THSD4: variants seen among roughly 807,000 people sequenced by gnomAD.
The protein encoded by THSD4 is thrombospondin type-1 domain-containing protein 4.
A neutral mutation model predicts 119.0 loss-of-function variants in THSD4; 69 were observed. That is an observed-to-expected ratio of 0.58 (90% CI 0.48 to 0.71). The LOEUF is 0.71. Among genes scored for constraint, THSD4 ranks in the 30% least tolerant of loss-of-function variants. The pLI, the probability that THSD4 is intolerant of heterozygous loss-of-function variation, is 0.00. For synonymous variants in THSD4, 524 were observed against 540.4 expected (o/e 0.97, Z 0.42); for missense variants, 1,393 against 1,391.1 (o/e 1.00, Z -0.02).
intron 11 of THSD4, among the ~76,000 whole-genome samples, chr15:71,741,750 G>A (rs1451060422): frequency 6.6e-6 from 1 of 151,480 alleles, no homozygotes; most frequent in Non-Finnish European, 1.5e-5. Context: ...CACTCAGAAT[G>A]TCTGAGGCGA....
intron 6 of THSD4, among the ~76,000 whole-genome samples, chr15:71,290,441 CTGTT>C (rs2044774489): frequency 1.3e-5 from 2 of 151,872 alleles, no homozygotes; most frequent in Non-Finnish European, 2.9e-5. Context: ...TTTTTCCCCT[CTGTT>C]TGTCCTGTTA....
rs138006536 is a variant in THSD4, at chr15:71,182,951, G to T, written c.99+28019G>T. 5.7e-3 allele frequency among the ~76,000 whole-genome samples: 861 copies of T among 151,826 alleles called. 33 individuals are homozygous for T. Among genetic ancestry groups the T allele is most frequent in the Admixed American group, 0.046 (696 of 15,266 alleles). On this transcript the variant is annotated intron_variant, in intron 3 of 17. Coordinates refer to ENST00000261862, the MANE Select transcript of THSD4 (RefSeq NM_024817.3). Reference sequence around the variant, plus strand: ...CATTTGATGCATGCTTTTGCTTATAGCCATGTCCATTTATTTTTCCCCATT... The same window carrying T: ...CATTTGATGCATGCTTTTGCTTATATCCATGTCCATTTATTTTTCCCCATT...
intron 7 of THSD4, among the ~76,000 whole-genome samples, chr15:71,539,701 G>A (rs75519326): frequency 1.0e-3 from 155 of 152,192 alleles, no homozygotes; most frequent in Non-Finnish European, 1.3e-3. Context: ...TCTCCTCTGC[G>A]TTTTCTGTTT....
chr15:71,243,308 A>G (rs530398947), intron 5 of THSD4, among the ~76,000 whole-genome samples: 1 of 151,196 alleles, frequency 6.6e-6, no homozygotes, highest in East Asian at 1.9e-4. Flanking sequence ...TAACTTATAC[A>G]TTGCTTCTTG....
chr15:71,220,426 A>G (rs570494632), intron 4 of THSD4, among the ~76,000 whole-genome samples: 2 of 152,222 alleles, frequency 1.3e-5, no homozygotes, highest in African/African-American at 4.8e-5. Flanking sequence ...TCTTCATTGG[A>G]GCTCTCCCAA....
intron 7 of THSD4, among the ~76,000 whole-genome samples, chr15:71,625,447 TA>T (rs1371084180): frequency 1.1e-4 from 16 of 152,148 alleles, no homozygotes; most frequent in Non-Finnish European, 1.6e-4. Flanking sequence ...GAGTACCATG[TA>T]GAAATGAGAA....
rs569351813 is a variant in THSD4 at position 71,428,216 on chromosome 15, C to T, written c.1152+16393C>T. ...GTTATGGTATATATACAGAGCTATG[C>T]AATACTCATTGTATGCAAAGTCACT... is the stretch of plus-strand genomic sequence containing the variant. On this transcript the variant is annotated intron_variant, in intron 7 of 17. Transcript: ENST00000261862. Among the ~76,000 whole-genome samples the T allele has an allele frequency of 3.3e-5, 5 of 152,286 alleles. No homozygotes were observed. In the East Asian group the frequency reaches 7.7e-4, roughly 24 times the overall value.
intron 3 of THSD4, among the ~76,000 whole-genome samples, chr15:71,210,474 G>A (rs964807580): frequency 4.6e-5 from 7 of 152,162 alleles, no homozygotes; most frequent in Admixed American, 2.0e-4. Context: ...TTGGTGAGGG[G>A]TGGGTGATGA....
chr15:71,359,738 A>T (rs1462579604), intron 6 of THSD4, among the ~76,000 whole-genome samples: 1 of 152,204 alleles, frequency 6.6e-6, no homozygotes, highest in Non-Finnish European at 1.5e-5. Context: ...TGGGCCTGGG[A>T]GGGAGAGGTT....
At chr15:71,519,324 G>A (rs779894933) in intron 7 of THSD4, among the ~76,000 whole-genome samples, 5 of 152,116 alleles carry the variant, frequency 3.3e-5, no homozygotes, top group African/African-American at 7.2e-5. Flanking sequence ...ACACCACAGG[G>A]TTCTAAGCAG....
chr15:71,259,140 GAA>G (rs990920172), intron 6 of THSD4, among the ~76,000 whole-genome samples: 6 of 151,674 alleles, frequency 4.0e-5, no homozygotes, highest in Non-Finnish European at 8.8e-5. Context: ...CAAAAAAAAA[GAA>G]GAGGAGAAAG....
Position 71,411,768 on chromosome 15 carries a change from A to G in THSD4, c.1097A>G (p.Asp366Gly), listed in dbSNP as rs1264743651. ...FYVRQAEKVI[D>G]GTPCDQNGTA... is the part of the protein sequence containing the mutation. ...GTACGGCAAGCTGAGAAAGTCATCG[A>G]TGGCACCCCCTGTGACCAGAACGGC... is the stretch of plus-strand genomic sequence containing the variant. The change falls in exon 7 of 18, where the codon GAT becomes GGT. Residue 366 changes from aspartate to glycine, a missense_variant. By Grantham distance (94) the Asp-to-Gly change is moderately conservative. Transcript: ENST00000261862. 2 of 1,614,142 alleles carry G rather than the reference A, an allele frequency of 1.2e-6. No individual in the cohort carries two copies. The highest frequency in any genetic ancestry group is 1.7e-6 in the Non-Finnish European group (2 of 1,179,994).
intron 7 of THSD4, among the ~76,000 whole-genome samples, chr15:71,493,222 AT>A (rs1351678741): frequency 2.0e-5 from 3 of 152,286 alleles, no homozygotes; most frequent in Admixed American, 2.0e-4. Context: ...AGAATGGCGG[AT>A]TTTTTTGTGA....
chr15:71,485,856 C>T (rs1171421544), intron 7 of THSD4, among the ~76,000 whole-genome samples: 1 of 152,168 alleles, frequency 6.6e-6, no homozygotes, highest in Non-Finnish European at 1.5e-5. Flanking sequence ...GTTATTACTA[C>T]AGCCCAGTGA....
chr15:71,500,338 G>T (rs1358940031), intron 7 of THSD4, among the ~76,000 whole-genome samples: 1 of 152,118 alleles, frequency 6.6e-6, no homozygotes, highest in Non-Finnish European at 1.5e-5. Flanking sequence ...TGTTGTTGTT[G>T]TTGAGTTGTA....
At chr15:71,272,512 G>A (rs1256174339) in intron 6 of THSD4, among the ~76,000 whole-genome samples, 3 of 151,682 alleles carry the variant, frequency 2.0e-5, no homozygotes, top group African/African-American at 4.8e-5. Flanking sequence ...ATGTTAAAAT[G>A]CTCGATACCA....
chr15:71,475,250 A>G (rs975800258), intron 7 of THSD4, among the ~76,000 whole-genome samples: 2 of 152,196 alleles, frequency 1.3e-5, no homozygotes, highest in African/African-American at 2.4e-5. Context: ...AGATCTCTGC[A>G]CATATGTGTG....
chr15:71,214,961 C>T, intron 3 of THSD4, 74 bp from the exon 4 acceptor site: 1 of 1,217,642 alleles, frequency 8.2e-7, no homozygotes, highest in Non-Finnish European at 1.0e-6. Context: ...ATGGATAAGT[C>T]GACCCTGCTC....
chr15:71,180,166 A>T (rs1467609870), intron 3 of THSD4, among the ~76,000 whole-genome samples: 4 of 26,612 alleles, frequency 1.5e-4, no homozygotes, highest in Non-Finnish European at 6.1e-4. Context: ...TAAAAAAAAA[A>T]AAAATAAAAA....
Sources: gnomAD v4.1 joint callset for allele counts (sites outside exome capture counted in the v4.1 genomes callset) on GRCh38, gnomAD v4.1.1 for gene constraint, MANE v1.5 for transcripts, NCBI Gene and HGNC (gene_info 2026-07-23, HGNC 2026-07-21) for gene names.